DNAH6: variants seen among roughly 807,000 people sequenced by gnomAD.
DNAH6 encodes the protein axonemal beta dynein heavy chain 6.
A neutral mutation model predicts 491.4 loss-of-function variants in DNAH6; 340 were observed. The observed-to-expected ratio is 0.69, with a 90% confidence interval of 0.63 to 0.76. DNAH6 has a LOEUF of 0.76. Among genes scored for constraint, DNAH6 ranks in the 30% least tolerant of loss-of-function variants. DNAH6 has a pLI of 0.00. For synonymous variants in DNAH6, 1,603 were observed against 1,686.1 expected (o/e 0.95, Z 1.21); for missense variants, 4,443 against 4,972.2 (o/e 0.89, Z 3.20).
chr2:84,493,266 C>T, the DNAH6 span, among the ~76,000 whole-genome samples: 8 of 151,774 alleles, frequency 5.3e-5, 1 homozygote, highest in East Asian at 1.4e-3. Context: ...GACTATATAC[C>T]ATATGTATAT....
At chr2:84,755,039 G>A (rs1225331169) in intron 63 of DNAH6, among the ~76,000 whole-genome samples, 1 of 152,120 alleles carries the variant, frequency 6.6e-6, no homozygotes, top group Non-Finnish European at 1.5e-5. Flanking sequence ...TATTCTTTCT[G>A]ATACTATTGT....
chr2:84,606,579 C>T (rs77140250), intron 20 of DNAH6, among the ~76,000 whole-genome samples: 6,168 of 152,104 alleles, frequency 0.041, 406 homozygotes, highest in African/African-American at 0.14. Flanking sequence ...AGTGATAATT[C>T]ATTGGACAGA....
rs1052288738 is a variant in DNAH6 at position 84,547,345 on chromosome 2, G to T, written c.1008G>T (p.Lys336Asn). ...TTATGGGACTTTGTTATATTGAAAA[G>T]TGTCACACCTACACCCTGCAGGAAT... ...LSFMGLCYIE[K>N]CHTYTLQEFK... Residue 336 changes from lysine (K) to asparagine (N), a missense_variant, in exon 6 of 77, where the codon AAG becomes AAT. Lys to Asn is a moderately conservative substitution (Grantham distance 94). This residue lies in a region of DNAH6 where 2,977 missense variants were observed against 3,296.6 expected (regional missense o/e 0.90). Coordinates refer to ENST00000389394, the MANE Select transcript of DNAH6 (RefSeq NM_001370.2). The T allele has an allele frequency of 7.7e-6, 12 of 1,551,482 alleles. No individual in the cohort carries two copies. The highest frequency in any genetic ancestry group is 1.0e-5 in the Non-Finnish European group (12 of 1,146,920).
chr2:84,730,890 C>T (rs1312804333), intron 61 of DNAH6, among the ~76,000 whole-genome samples: 2 of 152,060 alleles, frequency 1.3e-5, no homozygotes, highest in African/African-American at 2.4e-5. Flanking sequence ...TGCCTATGAA[C>T]GTTAACTAAT....
In DNAH6 at chr2:84,694,389, A is replaced by C; in HGVS notation, c.7433A>C (p.Asn2478Thr). ...CLQIELSRGY[N>T]YDSFHEDLRK... ...CAGATTGAACTCAGCCGGGGATATAATTATGATAGTTTTCATGAAGACCTG... is the reference window on the plus strand; with the variant it reads ...CAGATTGAACTCAGCCGGGGATATACTTATGATAGTTTTCATGAAGACCTG... The change falls in exon 46 of 77, where the codon AAT becomes ACT. Residue 2478 changes from asparagine (N) to threonine (T), a missense_variant. Physicochemically the swap from Asn to Thr is moderately conservative, Grantham distance 65 (BLOSUM62 0). Coordinates refer to ENST00000389394, the MANE Select transcript of DNAH6 (RefSeq NM_001370.2). The C allele has an allele frequency of 6.4e-7, 1 of 1,552,400 alleles. No individual in the cohort carries two copies. Among genetic ancestry groups the C allele is most frequent in the Non-Finnish European group, 8.7e-7 (1 of 1,147,146 alleles).
At chr2:84,679,536 T>G (rs1693573483) in intron 41 of DNAH6, among the ~76,000 whole-genome samples, 1 of 152,202 alleles carries the variant, frequency 6.6e-6, no homozygotes, top group Non-Finnish European at 1.5e-5. Context: ...CTCCATAAAC[T>G]AGTGATAATG....
At chr2:84,658,227 C>A in intron 35 of DNAH6, 65 bp from the exon 36 acceptor site, 3 of 1,170,936 alleles carry the variant, frequency 2.6e-6, no homozygotes, top group Non-Finnish European at 3.4e-6. Flanking sequence ...TTTTAACCAA[C>A]CTAATTCTAA....
chr2:84,793,020 A>G (rs1192309), intron 68 of DNAH6, among the ~76,000 whole-genome samples: 18,572 of 152,170 alleles, frequency 0.12, 1,152 homozygotes, highest in Non-Finnish European at 0.13. Flanking sequence ...GGCAAAGACA[A>G]AGTCAGACCT....
chr2:84,731,544 A>G (rs1460234358), intron 61 of DNAH6, among the ~76,000 whole-genome samples: 1 of 152,218 alleles, frequency 6.6e-6, no homozygotes, highest in African/African-American at 2.4e-5. Flanking sequence ...CGAAAAGTGC[A>G]ACATTGTCAT....
chr2:84,706,236 T>G (rs1344510130), intron 52 of DNAH6, among the ~76,000 whole-genome samples: 1 of 152,202 alleles, frequency 6.6e-6, no homozygotes, highest in Non-Finnish European at 1.5e-5. Context: ...ACCCAGAGAA[T>G]AAATATTTTA....
intron 59 of DNAH6, among the ~76,000 whole-genome samples, chr2:84,719,617 C>T (rs903191570): frequency 6.6e-6 from 1 of 151,980 alleles, no homozygotes; most frequent in African/African-American, 2.4e-5. Context: ...CTCAACCCAT[C>T]CTCCTCCCTC....
chr2:84,721,481 G>A (rs988610553), intron 59 of DNAH6, among the ~76,000 whole-genome samples: 2 of 152,090 alleles, frequency 1.3e-5, no homozygotes, highest in Non-Finnish European at 2.9e-5. Context: ...TATTATGGTA[G>A]GTAGCCACTA....
chr2:84,615,416 A>G (rs764308048), intron 22 of DNAH6, among the ~76,000 whole-genome samples: 1 of 152,078 alleles, frequency 6.6e-6, no homozygotes, highest in Non-Finnish European at 1.5e-5. Flanking sequence ...TACCAGTACC[A>G]TGCTGTTTTG....
At chr2:84,666,134 C>T (rs1177600706) in intron 37 of DNAH6, among the ~76,000 whole-genome samples, 1 of 152,148 alleles carries the variant, frequency 6.6e-6, no homozygotes, top group South Asian at 2.1e-4. Flanking sequence ...GACAAACCCA[C>T]AGCCAATATC....
chr2:84,794,909 C>T (rs1194674543), intron 68 of DNAH6, among the ~76,000 whole-genome samples: 1 of 150,986 alleles, frequency 6.6e-6, no homozygotes, highest in East Asian at 1.9e-4. Context: ...TTCACAAGAG[C>T]AAAGACTTGG....
chr2:84,759,018 A>T (rs1341175122), intron 63 of DNAH6, among the ~76,000 whole-genome samples: 1 of 152,190 alleles, frequency 6.6e-6, no homozygotes, highest in Admixed American at 6.5e-5. Flanking sequence ...TTTATTGATG[A>T]TATGGTATAG....
At chr2:84,590,314 T>C (rs1573128767) in intron 16 of DNAH6, among the ~76,000 whole-genome samples, 2 of 151,732 alleles carry the variant, frequency 1.3e-5, no homozygotes, top group Non-Finnish European at 2.9e-5. Flanking sequence ...GCCAATATGA[T>C]AAAACCCCAT....
chr2:84,623,350 A>G (rs1162404751), intron 26 of DNAH6, among the ~76,000 whole-genome samples: 1 of 152,182 alleles, frequency 6.6e-6, no homozygotes, highest in Non-Finnish European at 1.5e-5. Flanking sequence ...ATATCTTGTA[A>G]GGACCTAGGC....
At chr2:84,465,733 C>T in the DNAH6 span, among the ~76,000 whole-genome samples, 1 of 152,084 alleles carries the variant, frequency 6.6e-6, no homozygotes, top group Non-Finnish European at 1.5e-5. Flanking sequence ...TTTACATTAC[C>T]CAACCCTCTT....
Sources: allele counts gnomAD v4.1 joint callset (sites outside exome capture counted in the v4.1 genomes callset), GRCh38; gene constraint gnomAD v4.1.1; regional missense constraint gnomAD v4.1.1; transcripts MANE v1.5; gene names NCBI Gene and HGNC (gene_info 2026-07-23, HGNC 2026-07-21).